Variants in NPTXR observed in about 807,000 individuals in gnomAD.
NPTXR encodes neuronal pentraxin receptor.
In NPTXR, 12 loss-of-function variants were observed where a neutral mutation model predicts 32.2. The observed-to-expected ratio is 0.37, with a 90% CI of 0.24 to 0.60. NPTXR has a LOEUF of 0.60. NPTXR is among the 20% of genes least tolerant of loss of function. The pLI, the probability that NPTXR is intolerant of heterozygous loss-of-function variation, is 0.66. For missense variants in NPTXR, 612 were observed against 682.9 expected (o/e 0.90, Z 1.16); for synonymous variants, 323 against 315.8 (o/e 1.02, Z -0.24).
intron 1 of NPTXR, among the ~76,000 whole-genome samples, chr22:38,833,959 A>G (rs543846122): frequency 1.3e-5 from 2 of 152,330 alleles, no homozygotes; most frequent in East Asian, 3.9e-4. Context: ...GAGCCTGGGC[A>G]GGGGCCTGGG....
rs537043647 is a variant in NPTXR at position 38,843,957 on chromosome 22, GGGAGCCGGAGCC to G, written c.-111_-100del. The G allele has an allele frequency of 6.3e-4, 440 of 695,318 alleles. No individual in the cohort carries two copies. The highest frequency in any genetic ancestry group is 2.6e-3 in the African/African-American group (134 of 50,746). The allele number at this position is 695,318 out of a possible 1,614,324, so 43.1% of individuals were successfully genotyped here. ...GCGCTGGGCCGAGCGGGGCAGGCGC[GGGAGCCGGAGCC>G]GGAGCCGGAGCCGGAGCCGGAGCTG... On this transcript the variant is annotated 5_prime_UTR_variant, in exon 1 of 5. Coordinates refer to ENST00000333039, the MANE Select transcript of NPTXR (RefSeq NM_014293.4). This position sits in a 1 kb window ranked among gnomAD's most constrained non-coding sequence, Gnocchi z 5.3.
rs983661009 is a variant in NPTXR at position 38,820,587 on chromosome 22, T to G, written c.*2022A>C. The G allele has an allele frequency of 6.6e-6, 1 of 152,172 alleles. No individual in the cohort carries two copies. Among genetic ancestry groups the G allele is most frequent in the African/African-American group, 2.4e-5 (1 of 41,422 alleles). The allele number at this position is 152,172 out of a possible 1,614,324, so 9.4% of individuals were successfully genotyped here. A position where few individuals can be genotyped will look rare whatever the true frequency, so the allele number is the denominator to read the frequency against. On this transcript the variant is annotated 3_prime_UTR_variant, in exon 5 of 5. Coordinates refer to ENST00000333039, the MANE Select transcript of NPTXR (RefSeq NM_014293.4). ...ATCATAACCTCCTCCCCGCACTTCC[T>G]GGGGTGGGGATGCCAAGATGTTTGG...
chr22:38,834,328 C>T lies in NPTXR; in HGVS notation c.625-5816G>A, dbSNP rs2093120799. Among the ~76,000 whole-genome samples the T allele has an allele frequency of 1.3e-5, 2 of 152,166 alleles. No individual in the cohort carries two copies. The highest frequency in any genetic ancestry group is 1.3e-4 in the Admixed American group (2 of 15,280). On this transcript the variant is annotated intron_variant, in intron 1 of 4. Coordinates refer to ENST00000333039, the MANE Select transcript of NPTXR (RefSeq NM_014293.4). This position sits in a 1 kb window ranked among gnomAD's most constrained non-coding sequence, Gnocchi z 4.4. ...AAGTCCCTGTCCTCCTGGCTTCAGC[C>T]CTTACCCCGACAGGACATAGGTCAC...
chr22:38,833,419 C>A lies in NPTXR; in HGVS notation c.625-4907G>T, dbSNP rs184049256. On this transcript the variant is annotated intron_variant, in intron 1 of 4. Coordinates refer to ENST00000333039, the MANE Select transcript of NPTXR (RefSeq NM_014293.4). ...ACCACGGCCCCTCACCTCCCCCATC[C>A]AACCATCCCCTGAGTTCTGAGTCCT... Among the ~76,000 whole-genome samples, 29 of 152,344 alleles carry A rather than the reference C, an allele frequency of 1.9e-4. 1 individual carries two copies. The highest frequency in any genetic ancestry group is 7.2e-4 in the Admixed American group (11 of 15,308).
chr22:38,822,556 C>A lies in NPTXR; in HGVS notation c.*53G>T. 1 of 1,519,882 alleles carries A rather than the reference C, an allele frequency of 6.6e-7. No individual in the cohort carries two copies. Among genetic ancestry groups the A allele is most frequent in the Non-Finnish European group, 9.0e-7 (1 of 1,111,474 alleles). 94.1% of individuals were successfully genotyped at this position (1,519,882 alleles called of 1,614,324 possible). A position where few individuals can be genotyped will look rare whatever the true frequency, so the allele number is the denominator to read the frequency against. On this transcript the variant is annotated 3_prime_UTR_variant, in exon 5 of 5. Transcript: ENST00000333039. ...CAGGCTGAGGAGGGAATATGACCCC[C>A]CTCAAGTCCCCAAAGTGGCAGGCAA... is the stretch of plus-strand genomic sequence containing the variant.
chr22:38,831,544 G>A (rs1454027031), intron 1 of NPTXR, among the ~76,000 whole-genome samples: 2 of 152,096 alleles, frequency 1.3e-5, no homozygotes, highest in African/African-American at 4.8e-5. Flanking sequence ...CTGATGGGGC[G>A]CTCATTACCT....
At chr22:38,832,319 G>T (rs2093117553) in intron 1 of NPTXR, among the ~76,000 whole-genome samples, 1 of 152,234 alleles carries the variant, frequency 6.6e-6, no homozygotes, top group Admixed American at 6.5e-5. Context: ...ATGCCAACTG[G>T]GCCCCTCACC....
chr22:38,830,308 G>C (rs948034571), intron 1 of NPTXR, among the ~76,000 whole-genome samples: 4 of 152,224 alleles, frequency 2.6e-5, no homozygotes, highest in African/African-American at 7.2e-5. Flanking sequence ...GCGTGTAAGG[G>C]AAGTGCCCAG....
Position 38,843,888 on chromosome 22 carries a change from C to A in NPTXR, c.-30G>T. ...AGGCGGGCGGCGGGGGCGCCCGAGG[C>A]CCCCGGCAGGCGCGGCGGCGGGGTC... On this transcript the variant is annotated 5_prime_UTR_variant, in exon 1 of 5. Transcript: ENST00000333039. This position sits in a 1 kb window ranked among gnomAD's most constrained non-coding sequence, Gnocchi z 5.3. 3.1e-6 allele frequency: 3 copies of A among 983,216 alleles called. No homozygotes were observed. The highest frequency in any genetic ancestry group is 4.5e-5 in the South Asian group (1 of 22,036). The allele number at this position is 983,216 out of a possible 1,614,324, so 60.9% of individuals were successfully genotyped here. A position where few individuals can be genotyped will look rare whatever the true frequency, so the allele number is the denominator to read the frequency against.
Position 38,843,014 on chromosome 22 carries a change from G to C in NPTXR, c.624+221C>G, listed in dbSNP as rs1402589984. On this transcript the variant is annotated intron_variant, in intron 1 of 4. Coordinates refer to ENST00000333039, the MANE Select transcript of NPTXR (RefSeq NM_014293.4). This position sits in a 1 kb window ranked among gnomAD's most constrained non-coding sequence, Gnocchi z 5.3. The stretch of plus-strand genomic sequence containing the variant: ...GAGAGGTGCCTGGAGACGGAAAAGG[G>C]TGGGGAGCGAATCTTTCTGGCGCGC... 6.6e-6 allele frequency among the ~76,000 whole-genome samples: 1 copy of C among 152,228 alleles called. No homozygotes were observed. The highest frequency in any genetic ancestry group is 1.9e-4 in the East Asian group (1 of 5,188).
intron 1 of NPTXR, among the ~76,000 whole-genome samples, chr22:38,832,763 C>T (rs1473486950): frequency 1.3e-5 from 2 of 152,242 alleles, no homozygotes; most frequent in Non-Finnish European, 2.9e-5. Flanking sequence ...GTGCTCATTC[C>T]TCAGGCTCAC....
rs1840791320 is a variant in NPTXR, at chr22:38,820,766, C to T, written c.*1843G>A. 1.3e-5 allele frequency: 2 copies of T among 152,456 alleles called. No homozygotes were observed. The highest frequency in any genetic ancestry group is 2.9e-5 in the Non-Finnish European group (2 of 68,246). The allele number at this position is 152,456 out of a possible 1,614,324, so 9.4% of individuals were successfully genotyped here. On this transcript the variant is annotated 3_prime_UTR_variant, in exon 5 of 5. Transcript: ENST00000333039. ...TGAAGAGGGAGTCAGATGCCCTGAGCTCTAGTCCTGGCTCTGCCCCATGCT... is the reference window on the plus strand; with the variant it reads ...TGAAGAGGGAGTCAGATGCCCTGAGTTCTAGTCCTGGCTCTGCCCCATGCT...
Position 38,842,993 on chromosome 22 carries a change from G to T in NPTXR, c.624+242C>A, listed in dbSNP as rs188304437. Among the ~76,000 whole-genome samples, 508 of 152,330 alleles carry T rather than the reference G, an allele frequency of 3.3e-3. 2 individuals are homozygous for T. Among genetic ancestry groups the T allele is most frequent in the African/African-American group, 0.012 (482 of 41,578 alleles). ...AGACACAGAAACTGAGGCTCAGAGA[G>T]GTGCCTGGAGACGGAAAAGGGTGGG... On this transcript the variant is annotated intron_variant, in intron 1 of 4. Transcript: ENST00000333039.
At chr22:38,841,864 C>T (rs1240952369) in intron 1 of NPTXR, among the ~76,000 whole-genome samples, 1 of 152,240 alleles carries the variant, frequency 6.6e-6, no homozygotes, top group Non-Finnish European at 1.5e-5. Flanking sequence ...GCTCTTGGTT[C>T]TCTCATCCTA....
chr22:38,835,205 C>T (rs1173626890), intron 1 of NPTXR, among the ~76,000 whole-genome samples: 1 of 149,080 alleles, frequency 6.7e-6, no homozygotes, highest in Non-Finnish European at 1.5e-5. Context: ...TGGCGGTGCT[C>T]CCAGCTGGCG....
chr22:38,840,127 A>G (rs2093129850), intron 1 of NPTXR, among the ~76,000 whole-genome samples: 1 of 152,198 alleles, frequency 6.6e-6, no homozygotes, highest in African/African-American at 2.4e-5. Flanking sequence ...AGGACAGGCC[A>G]ATCAGACCTT....
intron 1 of NPTXR, among the ~76,000 whole-genome samples, chr22:38,841,342 G>C (rs549336910): frequency 1.3e-5 from 2 of 152,266 alleles, no homozygotes; most frequent in Non-Finnish European, 2.9e-5. Flanking sequence ...CAGCCTGGAA[G>C]GCTGACCTGT....
intron 3 of NPTXR, among the ~76,000 whole-genome samples, chr22:38,824,820 G>A (rs1023702485): frequency 2.6e-5 from 4 of 152,130 alleles, no homozygotes; most frequent in African/African-American, 9.7e-5. Flanking sequence ...CCCGGTGGTC[G>A]TAGGGTTTAT....
rs2093099102 is a variant in NPTXR, at chr22:38,822,411, C to A, written c.*198G>T. 5.0e-6 allele frequency: 3 copies of A among 595,238 alleles called. No individual in the cohort carries two copies. The highest frequency in any genetic ancestry group is 9.0e-6 in the Non-Finnish European group (3 of 332,954). 36.9% of individuals were successfully genotyped at this position (595,238 alleles called of 1,614,324 possible). A position where few individuals can be genotyped will look rare whatever the true frequency, so the allele number is the denominator to read the frequency against. On this transcript the variant is annotated 3_prime_UTR_variant, in exon 5 of 5. Transcript: ENST00000333039. The stretch of plus-strand genomic sequence containing the variant: ...ACTGTTCACTTGAGACGCTCCTCCC[C>A]ACTCAGGTGGGGACAGGGGACACAC...
Sources: allele counts gnomAD v4.1 joint callset (sites outside exome capture counted in the v4.1 genomes callset), GRCh38; gene constraint gnomAD v4.1.1; non-coding constraint Gnocchi (gnomAD v3.1); transcripts MANE v1.5; gene names NCBI Gene and HGNC (gene_info 2026-07-23, HGNC 2026-07-21).